The following KHDC1 variants were observed in gnomAD, a reference collection of about 807,000 sequenced individuals.
The protein encoded by KHDC1 is KH homology domain-containing protein 1.
KHDC1 carries 21 observed loss-of-function variants against 24.7 expected under a neutral mutation model. The observed-to-expected ratio is 0.85, with a 90% confidence interval of 0.60 to 1.23. The LOEUF (loss-of-function observed/expected upper bound fraction) is 1.23. Ranked by LOEUF, KHDC1 falls within the 50% of genes most tolerant of loss-of-function variation. The probability of loss-of-function intolerance (pLI) is 0.00; values close to 1 mark genes in which losing one functional copy is unlikely to be tolerated. For missense variants in KHDC1, 274 were observed against 298.5 expected (o/e 0.92, Z 0.61); for synonymous variants, 98 against 111.7 (o/e 0.88, Z 0.77).
chr6:73,304,206 C>T (rs910799469), intron 1 of KHDC1, among the ~76,000 whole-genome samples: 8 of 151,804 alleles, frequency 5.3e-5, no homozygotes, highest in East Asian at 3.9e-4. Context: ...AATTGTTCTA[C>T]GGTTAGGTAA....
chr6:73,277,580 A>G (rs1767321801), intron 2 of KHDC1, among the ~76,000 whole-genome samples: 2 of 152,152 alleles, frequency 1.3e-5, no homozygotes, highest in Admixed American at 6.6e-5. Context: ...GCCAAGCGCA[A>G]TTGCTTATAT....
At chr6:73,247,578 G>A (rs745731531) in intron 2 of KHDC1, among the ~76,000 whole-genome samples, 9 of 151,978 alleles carry the variant, frequency 5.9e-5, no homozygotes, top group African/African-American at 9.7e-5. Context: ...GTGGACGGCC[G>A]GGCACTGTGG....
intron 2 of KHDC1, among the ~76,000 whole-genome samples, chr6:73,257,273 AC>A (rs1766895923): frequency 6.6e-6 from 1 of 152,208 alleles, no homozygotes; most frequent in African/African-American, 2.4e-5. Context: ...AGCCTGGGTG[AC>A]AGGGTAGAGT....
At chr6:73,292,137 A>G in intron 1 of KHDC1, 1 of 1,572,234 alleles carries the variant, frequency 6.4e-7, no homozygotes, top group Non-Finnish European at 8.8e-7. Context: ...GATGCATACA[A>G]AAACCTTTAT....
At chr6:73,257,550 T>G (rs1436732401) in intron 2 of KHDC1, among the ~76,000 whole-genome samples, 1 of 151,878 alleles carries the variant, frequency 6.6e-6, no homozygotes, top group Non-Finnish European at 1.5e-5. Context: ...AGGTGCACAC[T>G]ACCACACCCG....
intron 2 of KHDC1, chr6:73,270,601 A>G (rs948024954): frequency 2.0e-5 from 3 of 152,086 alleles, no homozygotes; most frequent in Non-Finnish European, 4.4e-5. Flanking sequence ...TTAACCCACT[A>G]CACCCAGTTG....
chr6:73,290,275 C>CAA (rs1182248016), intron 2 of KHDC1: 20 of 149,320 alleles, frequency 1.3e-4, no homozygotes, highest in East Asian at 3.7e-4. Flanking sequence ...GACTTCATCC[C>CAA]AAAAAAAAAA....
At chr6:73,289,492 A>G (rs1241172597) in intron 2 of KHDC1, among the ~76,000 whole-genome samples, 3 of 151,602 alleles carry the variant, frequency 2.0e-5, no homozygotes, top group African/African-American at 7.3e-5. Context: ...TCTATTAAAA[A>G]TACAAAAATT....
chr6:73,279,082 G>T (rs1241137660), intron 2 of KHDC1, among the ~76,000 whole-genome samples: 1 of 152,150 alleles, frequency 6.6e-6, no homozygotes, highest in African/African-American at 2.4e-5. Flanking sequence ...CAACCAGTTA[G>T]CCTTAATTAA....
At chr6:73,278,017 T>G (rs770696990) in intron 2 of KHDC1, among the ~76,000 whole-genome samples, 6,009 of 144,852 alleles carry the variant, frequency 0.041, 146 homozygotes, top group Middle Eastern at 0.068. Flanking sequence ...GTGTTTTTTT[T>G]TTTTTTTTTT....
At chr6:73,294,129 AAGTC>A (rs150704385) in intron 1 of KHDC1, among the ~76,000 whole-genome samples, 117 of 152,214 alleles carry the variant, frequency 7.7e-4, no homozygotes, top group Middle Eastern at 3.4e-3. Flanking sequence ...ACAAAACAAA[AAGTC>A]AGCATCTTCT....
chr6:73,293,758 A>G (rs1361550159), intron 1 of KHDC1, among the ~76,000 whole-genome samples: 1 of 145,840 alleles, frequency 6.9e-6, no homozygotes, highest in East Asian at 2.0e-4. Flanking sequence ...TAATCCCAGC[A>G]CTTTGGGAGG....
chr6:73,241,354 A>C, exon 5 of KHDC1: 1 of 608,738 alleles, frequency 1.6e-6, no homozygotes, highest in South Asian at 2.0e-5. Flanking sequence ...TTGCTTTGCC[A>C]ATAACACTTT....
chr6:73,260,489 T>C (rs1013267144), intron 2 of KHDC1, among the ~76,000 whole-genome samples: 3 of 152,172 alleles, frequency 2.0e-5, no homozygotes, highest in African/African-American at 7.2e-5. Context: ...TAAACTATTA[T>C]GCAAAAAAAG....
At chr6:73,297,285 T>C (rs1259894116) in intron 1 of KHDC1, among the ~76,000 whole-genome samples, 2 of 152,146 alleles carry the variant, frequency 1.3e-5, no homozygotes, top group African/African-American at 2.4e-5. Context: ...ATCTTGAGGA[T>C]TGTTGCATTT....
chr6:73,285,739 G>A (rs145390496), intron 2 of KHDC1, among the ~76,000 whole-genome samples: 1,739 of 151,242 alleles, frequency 0.011, 21 homozygotes, highest in Non-Finnish European at 0.018. Context: ...TGCCATGCTG[G>A]TGCGCTGCAC....
intron 1 of KHDC1, among the ~76,000 whole-genome samples, chr6:73,295,501 G>T (rs1214009832): frequency 7.3e-5 from 11 of 151,550 alleles, no homozygotes; most frequent in Admixed American, 7.2e-4. Flanking sequence ...TCAGGAGTTT[G>T]AGACCAGCCT....
At chr6:73,296,006 G>A (rs1767751542) in intron 1 of KHDC1, among the ~76,000 whole-genome samples, 1 of 151,596 alleles carries the variant, frequency 6.6e-6, no homozygotes, top group Admixed American at 6.6e-5. Context: ...GCCAGCCATG[G>A]TGGCAGGCAC....
intron 2 of KHDC1, among the ~76,000 whole-genome samples, chr6:73,271,288 A>G (rs996033344): frequency 7.2e-5 from 11 of 151,796 alleles, no homozygotes; most frequent in Middle Eastern, 3.4e-3. Context: ...GCTCACTGCA[A>G]CCACCTCCGC....
Sources: allele counts gnomAD v4.1 joint callset (sites outside exome capture counted in the v4.1 genomes callset), GRCh38; gene constraint gnomAD v4.1.1; transcripts MANE v1.5; gene names NCBI Gene and HGNC (gene_info 2026-07-23, HGNC 2026-07-21).